ADAMTSL1: variants seen among roughly 807,000 people sequenced by gnomAD.
ADAMTSL1 encodes ADAMTS like 1.
ADAMTSL1 carries 126 observed loss-of-function variants against 201.8 expected under a neutral mutation model. The ratio of observed to expected loss-of-function variants is 0.62; its 90% CI spans 0.54 to 0.72. The LOEUF is 0.72. Among genes scored for constraint, ADAMTSL1 ranks in the 30% least tolerant of loss-of-function variants. The pLI is 0.00. For synonymous variants in ADAMTSL1, 1,121 were observed against 903.4 expected (o/e 1.24, Z -4.32); for missense variants, 2,679 against 2,277.8 (o/e 1.18, Z -3.59).
chr9:17,926,392 C>T (rs1410969074), intron 1 of ADAMTSL1, among the ~76,000 whole-genome samples: 1 of 152,172 alleles, frequency 6.6e-6, no homozygotes, highest in Non-Finnish European at 1.5e-5. Context: ...GTTTATTTCA[C>T]CACTCGGCCA....
intron 1 of ADAMTSL1, among the ~76,000 whole-genome samples, chr9:18,069,726 T>G (rs1822871330): frequency 6.6e-6 from 1 of 152,268 alleles, no homozygotes; most frequent in East Asian, 1.9e-4. Flanking sequence ...GGAGGGTGGA[T>G]TGAGTAGAAG....
intron 2 of ADAMTSL1, among the ~76,000 whole-genome samples, chr9:18,206,330 C>T (rs1252487383): frequency 2.6e-5 from 4 of 152,104 alleles, no homozygotes; most frequent in African/African-American, 4.8e-5. Flanking sequence ...ATGTGATTGA[C>T]GTGGAGCCCA....
intron 21 of ADAMTSL1, among the ~76,000 whole-genome samples, chr9:18,818,443 T>A (rs1824001384): frequency 6.6e-6 from 1 of 152,186 alleles, no homozygotes; most frequent in African/African-American, 2.4e-5. Context: ...GGGCTTACTG[T>A]TTCCGAATAA....
chr9:18,731,357 G>A (rs1462486493), intron 15 of ADAMTSL1, among the ~76,000 whole-genome samples: 2 of 152,194 alleles, frequency 1.3e-5, no homozygotes, highest in Non-Finnish European at 2.9e-5. Context: ...GGCACTGGGT[G>A]TAGTGGCTCA....
intron 1 of ADAMTSL1, among the ~76,000 whole-genome samples, chr9:18,039,556 A>AT (rs1821348336): frequency 6.6e-6 from 1 of 152,130 alleles, no homozygotes; most frequent in African/African-American, 2.4e-5. Flanking sequence ...CGGAACAAAC[A>AT]TTTTTCACAA....
chr9:18,491,490 C>T (rs987604727), intron 1 of ADAMTSL1, among the ~76,000 whole-genome samples: 1 of 152,192 alleles, frequency 6.6e-6, no homozygotes, highest in Non-Finnish European at 1.5e-5. Flanking sequence ...TTTATAAACT[C>T]TCAAAGTATT....
intron 1 of ADAMTSL1, among the ~76,000 whole-genome samples, chr9:18,074,544 C>A (rs1165581027): frequency 8.3e-6 from 1 of 120,818 alleles, no homozygotes; most frequent in Non-Finnish European, 1.7e-5. Context: ...CTTCTCTCTT[C>A]TTTTCTCTTC....
At chr9:18,390,079 G>A (rs7389852) in intron 2 of ADAMTSL1, among the ~76,000 whole-genome samples, 22,027 of 152,066 alleles carry the variant, frequency 0.14, 2,085 homozygotes, top group Admixed American at 0.34. Flanking sequence ...AGAATATTTA[G>A]TTTAAGCCAG....
chr9:17,939,684 A>C (rs2131342285), intron 1 of ADAMTSL1, among the ~76,000 whole-genome samples: 1 of 152,106 alleles, frequency 6.6e-6, no homozygotes, highest in Non-Finnish European at 1.5e-5. Context: ...TCATTCATTC[A>C]TTTACTTAGG....
At chr9:18,594,587 A>T (rs1176480849) in intron 4 of ADAMTSL1, among the ~76,000 whole-genome samples, 1 of 152,222 alleles carries the variant, frequency 6.6e-6, no homozygotes, top group Non-Finnish European at 1.5e-5. Context: ...CTGTTTGATT[A>T]ATCCAGCTGT....
At chr9:18,320,177 C>G (rs1303884547) in intron 2 of ADAMTSL1, among the ~76,000 whole-genome samples, 1 of 152,198 alleles carries the variant, frequency 6.6e-6, no homozygotes, top group Non-Finnish European at 1.5e-5. Context: ...GGAGTAATCC[C>G]TGCCAATACC....
chr9:18,316,944 G>A (rs558713480), intron 2 of ADAMTSL1, among the ~76,000 whole-genome samples: 14 of 152,222 alleles, frequency 9.2e-5, no homozygotes, highest in South Asian at 8.4e-4. Context: ...TTATTGCAGC[G>A]TTATTCACAA....
intron 1 of ADAMTSL1, among the ~76,000 whole-genome samples, chr9:17,961,101 C>A (rs758154193): frequency 6.6e-6 from 1 of 152,144 alleles, no homozygotes; most frequent in Non-Finnish European, 1.5e-5. Flanking sequence ...AGCACAATAT[C>A]TCCAAAGGGA....
At chr9:18,773,425 T>C (rs937508002) in intron 17 of ADAMTSL1, among the ~76,000 whole-genome samples, 2 of 152,206 alleles carry the variant, frequency 1.3e-5, no homozygotes, top group Non-Finnish European at 2.9e-5. Context: ...AAAGAATAAT[T>C]TTAGAGCTAG....
intron 1 of ADAMTSL1, among the ~76,000 whole-genome samples, chr9:17,924,767 G>A (rs1451019332): frequency 7.8e-6 from 1 of 127,660 alleles, no homozygotes; most frequent in Non-Finnish European, 1.6e-5. Context: ...GAAAACCTAG[G>A]CATTACCATT....
At chr9:18,383,297 G>C (rs1837639007) in intron 2 of ADAMTSL1, among the ~76,000 whole-genome samples, 1 of 152,084 alleles carries the variant, frequency 6.6e-6, no homozygotes, top group African/African-American at 2.4e-5. Context: ...GCTTTTGGCT[G>C]TGGAGAAAGT....
intron 1 of ADAMTSL1, among the ~76,000 whole-genome samples, chr9:17,950,664 T>A (rs529790336): frequency 6.6e-6 from 1 of 152,206 alleles, no homozygotes; most frequent in Admixed American, 6.6e-5. Context: ...AATATTTCCA[T>A]CATATGAATA....
At chr9:18,360,451 C>G (rs1836467143) in intron 2 of ADAMTSL1, 1 of 152,140 alleles carries the variant, frequency 6.6e-6, no homozygotes, top group African/African-American at 2.4e-5. Flanking sequence ...ACTCTCTGAG[C>G]TTCAGTGCCC....
intron 1 of ADAMTSL1, among the ~76,000 whole-genome samples, chr9:18,073,991 G>A (rs186636800): frequency 2.7e-4 from 41 of 149,618 alleles, no homozygotes; most frequent in Admixed American, 7.3e-4. Flanking sequence ...TTTTTTTTTC[G>A]CATTGAAAAG....
Sources: gnomAD v4.1 joint callset for allele counts (sites outside exome capture counted in the v4.1 genomes callset) on GRCh38, gnomAD v4.1.1 for gene constraint, MANE v1.5 for transcripts, NCBI Gene and HGNC (gene_info 2026-07-23, HGNC 2026-07-21) for gene names.